WWTR1: variants seen among roughly 807,000 people sequenced by gnomAD.
The protein encoded by WWTR1 is WW domain containing transcription regulator 1.
A neutral mutation model predicts 40.1 loss-of-function variants in WWTR1; 13 were observed. The observed-to-expected ratio is 0.32, with a 90% CI of 0.21 to 0.52. WWTR1 has a LOEUF of 0.52. Among genes scored for constraint, WWTR1 ranks in the 20% least tolerant of loss-of-function variants. WWTR1 has a pLI of 0.97. For missense variants in WWTR1, 436 were observed against 523.1 expected, an observed-to-expected ratio of 0.83 and a Z score of 1.63; for synonymous variants, 230 against 210.1, an observed-to-expected ratio of 1.09 and a Z score of -0.82.
intron 6 of WWTR1, among the ~76,000 whole-genome samples, chr3:149,525,351 T>G (rs1735250055): frequency 6.6e-6 from 1 of 151,870 alleles, no homozygotes; most frequent in Non-Finnish European, 1.5e-5. Flanking sequence ...AACTAAAAAC[T>G]AGAACAGCAT....
intron 1 of WWTR1, among the ~76,000 whole-genome samples, chr3:149,671,577 CATG>C (rs1219384642): frequency 6.6e-6 from 1 of 152,146 alleles, no homozygotes; most frequent in African/African-American, 2.4e-5. Flanking sequence ...TTGTAATTTT[CATG>C]ATGTTATTAA....
intron 3 of WWTR1, among the ~76,000 whole-genome samples, chr3:149,552,533 A>C (rs1336823699): frequency 6.6e-6 from 1 of 152,228 alleles, no homozygotes; most frequent in Non-Finnish European, 1.5e-5. Flanking sequence ...CCTTACCTCT[A>C]GAGTTTCATA....
chr3:149,614,242 C>A (rs1363329003), intron 2 of WWTR1, among the ~76,000 whole-genome samples: 1 of 152,140 alleles, frequency 6.6e-6, no homozygotes, highest in Non-Finnish European at 1.5e-5. Flanking sequence ...CTAAATAACT[C>A]CTACTGCCTG....
chr3:149,653,383 G>A (rs1713014253), intron 2 of WWTR1, among the ~76,000 whole-genome samples: 1 of 152,164 alleles, frequency 6.6e-6, no homozygotes, highest in African/African-American at 2.4e-5. Context: ...TGAACACAGT[G>A]GTTTTCAGAG....
rs1737162656 is a variant in WWTR1, at chr3:149,563,151, T to A, written c.568+9713A>T. 1.3e-5 allele frequency among the ~76,000 whole-genome samples: 2 copies of A among 152,182 alleles called. 1 individual carries two copies. Among genetic ancestry groups the A allele is most frequent in the South Asian group, 4.1e-4 (2 of 4,830 alleles). ...ATTTTTAAAACTCTCAACAGAGGTC[T>A]ACAGCTCGGTGAAGAAATTAGACTC... On this transcript the variant is annotated intron_variant, in intron 3 of 6. Transcript: ENST00000360632.
At chr3:149,541,644 C>T (rs1736105770) in intron 4 of WWTR1, among the ~76,000 whole-genome samples, 1 of 149,780 alleles carries the variant, frequency 6.7e-6, no homozygotes, top group Non-Finnish European at 1.5e-5. Flanking sequence ...GAGAGTGTGG[C>T]AAAAGCGACT....
At chr3:149,537,771 C>T (rs1190068451) in intron 4 of WWTR1, among the ~76,000 whole-genome samples, 1 of 152,184 alleles carries the variant, frequency 6.6e-6, no homozygotes, top group Non-Finnish European at 1.5e-5. Flanking sequence ...AAGTGCTCAT[C>T]TCTTCTCTGT....
At chr3:149,677,271 G>A (rs1714300797) in intron 1 of WWTR1, among the ~76,000 whole-genome samples, 1 of 152,070 alleles carries the variant, frequency 6.6e-6, no homozygotes, top group East Asian at 1.9e-4. Flanking sequence ...TCCCCTACAG[G>A]AGCAATTTCA....
At chr3:149,553,867 T>C (rs1437101125) in intron 3 of WWTR1, among the ~76,000 whole-genome samples, 1 of 151,920 alleles carries the variant, frequency 6.6e-6, no homozygotes, top group Non-Finnish European at 1.5e-5. Flanking sequence ...ATGGAAAACA[T>C]ATGTCTACAG....
rs1311819435 is a variant in WWTR1 at position 149,656,906 on chromosome 3, A to G, written c.401T>C (p.Phe134Ser). 6.5e-7 allele frequency: 1 copy of G among 1,543,002 alleles called. No homozygotes were observed. Among genetic ancestry groups the G allele is most frequent in the South Asian group, 1.3e-5 (1 of 79,304 alleles). Residue 134 changes from phenylalanine to serine, a missense_variant, in exon 2 of 7, where the codon TTC (phenylalanine) becomes TCC (serine). By Grantham distance (155) the Phe-to-Ser change is radical. Transcript: ENST00000360632. ...LPLPPGWEMT[F>S]TATGQRYFLN... ...GAAGTACCTCTGGCCAGTGGCCGTG[A>G]AGGTCATCTCCCAGCCCGGGGGCAG...
At position 149,663,276 on chromosome 3, in the gene WWTR1, C is replaced by T. The variant is rs192980714; in HGVS notation, c.-3-5967G>A. ...CAGGTGATCCACCCACCTCAGCCTCCCAAAGTGCTGGGATTACAGATGTGA... is the reference window on the plus strand; with the variant it reads ...CAGGTGATCCACCCACCTCAGCCTCTCAAAGTGCTGGGATTACAGATGTGA... On this transcript the variant is annotated intron_variant, in intron 2 of 7. Coordinates refer to the WWTR1 transcript ENST00000465804. Among the ~76,000 whole-genome samples the T allele has an allele frequency of 3.6e-3, 544 of 152,092 alleles. 3 individuals are homozygous for T. Among genetic ancestry groups the T allele is most frequent in the South Asian group, 0.013 (63 of 4,820 alleles).
At chr3:149,538,490 C>T (rs1735933318) in intron 4 of WWTR1, among the ~76,000 whole-genome samples, 1 of 152,198 alleles carries the variant, frequency 6.6e-6, no homozygotes, top group Non-Finnish European at 1.5e-5. Context: ...CTTGAAGTGT[C>T]TGCCGCATTC....
intron 2 of WWTR1, among the ~76,000 whole-genome samples, chr3:149,582,383 G>A (rs564957609): frequency 1.3e-5 from 2 of 152,050 alleles, no homozygotes; most frequent in South Asian, 4.2e-4. Flanking sequence ...TTTATTATTA[G>A]TACCAGCATT....
Position 149,640,110 on chromosome 3 carries a change from C to A in WWTR1, c.431+16766G>T, listed in dbSNP as rs1052409395. On this transcript the variant is annotated intron_variant, in intron 2 of 6. Coordinates refer to ENST00000360632, the MANE Select transcript of WWTR1 (RefSeq NM_015472.6). ...TCTTGGATTGCCCTTATTCACGTAG[C>A]CCACTTTTCACAAGAATTGTGCCTA... 2.6e-4 allele frequency among the ~76,000 whole-genome samples: 39 copies of A among 152,112 alleles called. 1 individual carries two copies. The highest frequency in any genetic ancestry group is 7.4e-5 in the Non-Finnish European group (5 of 68,020).
intron 2 of WWTR1, among the ~76,000 whole-genome samples, chr3:149,577,349 G>A (rs185135233): frequency 2.0e-5 from 3 of 151,858 alleles, no homozygotes; most frequent in Admixed American, 6.6e-5. Flanking sequence ...TTTTTTCCTC[G>A]ACTTAAAAAA....
At chr3:149,569,914 ATCC>A (rs2107992392) in intron 3 of WWTR1, among the ~76,000 whole-genome samples, 1 of 152,258 alleles carries the variant, frequency 6.6e-6, no homozygotes, top group Admixed American at 6.5e-5. Flanking sequence ...TGCCCAAGAG[ATCC>A]TCCCACCTCA....
intron 4 of WWTR1, 66 bp downstream of exon 4, chr3:149,542,269 C>T: frequency 1.3e-6 from 2 of 1,543,950 alleles, no homozygotes; most frequent in Non-Finnish European, 8.8e-7. Flanking sequence ...AGGTAAGCAG[C>T]TACCTACCCA....
At chr3:149,664,579 A>G (rs1713723893) in intron 2 of WWTR1, among the ~76,000 whole-genome samples, 1 of 151,856 alleles carries the variant, frequency 6.6e-6, no homozygotes, top group Non-Finnish European at 1.5e-5. Context: ...ATGATGATGG[A>G]AGGCACTATC....
At chr3:149,582,556 T>C (rs1162411595) in intron 2 of WWTR1, among the ~76,000 whole-genome samples, 1 of 148,462 alleles carries the variant, frequency 6.7e-6, no homozygotes, top group Admixed American at 6.7e-5. Context: ...GGAGATCTTA[T>C]CTCTAAAAAA....
Sources: allele counts gnomAD v4.1 joint callset (sites outside exome capture counted in the v4.1 genomes callset), GRCh38; gene constraint gnomAD v4.1.1; transcripts MANE v1.5; gene names NCBI Gene and HGNC (gene_info 2026-07-23, HGNC 2026-07-21).